The following EXOSC6 variants were observed in gnomAD, a reference collection of about 807,000 sequenced individuals.
EXOSC6 encodes the protein exosome component 6, also known as exosome complex component MTR3.
A neutral mutation model predicts 16.7 loss-of-function variants in EXOSC6; 21 were observed. The ratio of observed to expected loss-of-function variants is 1.26; its 90% CI spans 0.89 to 1.82. The LOEUF (loss-of-function observed/expected upper bound fraction) is 1.82, where lower values mean the gene tolerates loss of function less well. EXOSC6 is among the 40% of genes most tolerant of loss of function. The pLI, the probability that EXOSC6 is intolerant of heterozygous loss-of-function variation, is 0.00. For missense variants in EXOSC6, 538 were observed against 415.7 expected, an observed-to-expected ratio of 1.29 and a Z score of -2.56; for synonymous variants, 297 against 217.1, an observed-to-expected ratio of 1.37 and a Z score of -3.24.
rs1456592885 is a variant in EXOSC6 at position 70,251,928 on chromosome 16, C to T, written c.-28G>A. On this transcript the variant is annotated 5_prime_UTR_variant, in exon 1 of 1. Transcript: ENST00000435634. ...CGGTTCTTGGCGTGCGAACCCCTTC[C>T]GCCCAACGCCCTGCCGCATCCACTG... 1 of 1,463,100 alleles carries T rather than the reference C, an allele frequency of 6.8e-7. No individual in the cohort carries two copies. The highest frequency in any genetic ancestry group is 8.9e-7 in the Non-Finnish European group (1 of 1,117,920). 90.6% of individuals were successfully genotyped at this position (1,463,100 alleles called of 1,614,324 possible).
At position 70,248,715 on chromosome 16, in the gene EXOSC6, C is replaced by T. The variant is rs575223136; in HGVS notation, c.*2367G>A. The T allele has an allele frequency of 1.3e-5, 2 of 151,976 alleles. No individual in the cohort carries two copies. The highest frequency in any genetic ancestry group is 4.8e-5 in the African/African-American group (2 of 41,450). The allele number at this position is 151,976 out of a possible 1,614,324, so 9.4% of individuals were successfully genotyped here. ...GGCACAAGCGATCCTCCTGCCTCAG[C>T]CTTCAAGTAGCTGGGACTACAGGTG... is the stretch of plus-strand genomic sequence containing the variant. On this transcript the variant is annotated 3_prime_UTR_variant, in exon 1 of 1. Transcript: ENST00000435634.
In EXOSC6 at chr16:70,251,572, C is replaced by T; in HGVS notation, c.329G>A (p.Arg110His). 13 of 1,106,758 alleles carry T rather than the reference C, an allele frequency of 1.2e-5. No homozygotes were observed. The highest frequency in any genetic ancestry group is 1.4e-5 in the Non-Finnish European group (13 of 910,828). 68.6% of individuals were successfully genotyped at this position (1,106,758 alleles called of 1,614,324 possible). A position where few individuals can be genotyped will look rare whatever the true frequency, so the allele number is the denominator to read the frequency against. Residue 110 changes from arginine to histidine, a missense_variant, in exon 1 of 1, where the codon CGC becomes CAC. Physicochemically the swap from Arg to His is conservative, Grantham distance 29. Transcript: ENST00000435634. ...FRRAPFAGRR[R>H]RAPPGGCEER... ...CTCGCAGCCGCCCGGGGGAGCGCGG[C>T]GCCGGCGGCCCGCGAAGGGTGCGCG...
At position 70,251,088 on chromosome 16, in the gene EXOSC6, C is replaced by G; in HGVS notation, c.813G>C (p.Gln271His). The stretch of plus-strand genomic sequence containing the variant: ...AGTTGCTCAGGCTTCTGGTTCAGGG[C>G]TGGGCGGCGGCGCCCCTGCGGCGGG... Reference protein sequence around the residue: ...RAARRRGAAAQP With the variant: ...RAARRRGAAAHP The change falls in exon 1 of 1, where the codon CAG (glutamine) becomes CAC (histidine). Residue 271 changes from glutamine (Q) to histidine (H), a missense_variant. Gln to His is a conservative substitution (Grantham distance 24). Coordinates refer to ENST00000435634, the MANE Select transcript of EXOSC6 (RefSeq NM_058219.3). 6.8e-7 allele frequency: 1 copy of G among 1,478,746 alleles called. No homozygotes were observed. Among genetic ancestry groups the G allele is most frequent in the Non-Finnish European group, 8.9e-7 (1 of 1,128,520 alleles). 91.6% of individuals were successfully genotyped at this position (1,478,746 alleles called of 1,614,324 possible).
Position 70,248,053 on chromosome 16 carries a change from T to G in EXOSC6, c.*3029A>C, listed in dbSNP as rs1362985592. Reference sequence around the variant, plus strand: ...TTGGACAATAGAGCAAGATTTCGTCTCAAAAAAAAAGAGAAAAAGAAAACC... The same window carrying G: ...TTGGACAATAGAGCAAGATTTCGTCGCAAAAAAAAAGAGAAAAAGAAAACC... On this transcript the variant is annotated 3_prime_UTR_variant, in exon 1 of 1. Coordinates refer to ENST00000435634, the MANE Select transcript of EXOSC6 (RefSeq NM_058219.3). 1.3e-5 allele frequency: 2 copies of G among 151,394 alleles called. No individual in the cohort carries two copies. The highest frequency in any genetic ancestry group is 2.9e-5 in the Non-Finnish European group (2 of 67,946). 9.4% of individuals were successfully genotyped at this position (151,394 alleles called of 1,614,324 possible).
Position 70,248,148 on chromosome 16 carries a change from G to C in EXOSC6, c.*2934C>G, listed in dbSNP as rs2152147364. On this transcript the variant is annotated 3_prime_UTR_variant, in exon 1 of 1. Coordinates refer to ENST00000435634, the MANE Select transcript of EXOSC6 (RefSeq NM_058219.3). Reference sequence around the variant, plus strand: ...TATCAATGCTAAAAATCATTTAAAAGACATCTTAGGGGTAATTACAGAAAT... The same window carrying C: ...TATCAATGCTAAAAATCATTTAAAACACATCTTAGGGGTAATTACAGAAAT... The C allele has an allele frequency of 6.6e-6, 1 of 152,230 alleles. No individual in the cohort carries two copies. Among genetic ancestry groups the C allele is most frequent in the South Asian group, 2.1e-4 (1 of 4,830 alleles). 9.4% of individuals were successfully genotyped at this position (152,230 alleles called of 1,614,324 possible).
chr16:70,251,193 GCTCT>G lies in EXOSC6; in HGVS notation c.704_707del (p.Glu235AlafsTer42). On this transcript the variant is annotated frameshift_variant, in exon 1 of 1. Transcript: ENST00000435634. LOFTEE classifies it high-confidence loss of function. ...GGCCCAGGCGTACGGCCTCCGCCCAGCTCTCTGTCAGGCCGCCCTCGCCGCTGCC... is the reference window on the plus strand; with the variant it reads ...GGCCCAGGCGTACGGCCTCCGCCCAGCTGTCAGGCCGCCCTCGCCGCTGCC... 5 of 1,517,186 alleles carry G rather than the reference GCTCT, an allele frequency of 3.3e-6. No individual in the cohort carries two copies. Among genetic ancestry groups the G allele is most frequent in the Non-Finnish European group, 3.5e-6 (4 of 1,140,548 alleles). 94.0% of individuals were successfully genotyped at this position (1,517,186 alleles called of 1,614,324 possible). A position where few individuals can be genotyped will look rare whatever the true frequency, so the allele number is the denominator to read the frequency against.
Position 70,248,465 on chromosome 16 carries a change from T to C in EXOSC6, c.*2617A>G, listed in dbSNP as rs1402391489. On this transcript the variant is annotated 3_prime_UTR_variant, in exon 1 of 1. Coordinates refer to ENST00000435634, the MANE Select transcript of EXOSC6 (RefSeq NM_058219.3). The stretch of plus-strand genomic sequence containing the variant: ...CTATCTTTCTATGAATGTGAGAATT[T>C]TCACAAGAGCTGGGAAAATGTTCAT... 1 of 152,156 alleles carries C rather than the reference T, an allele frequency of 6.6e-6. No homozygotes were observed. The highest frequency in any genetic ancestry group is 1.5e-5 in the Non-Finnish European group (1 of 68,036). The allele number at this position is 152,156 out of a possible 1,614,324, so 9.4% of individuals were successfully genotyped here.
Position 70,251,364 on chromosome 16 carries a change from C to G in EXOSC6, c.537G>C (p.Leu179=), listed in dbSNP as rs1158975318. Residue 179 remains leucine (L), a synonymous_variant, in exon 1 of 1, where the codon CTG becomes CTC. Transcript: ENST00000435634. ...CGAGGCTGAGGCCGCAGCCCACCAC[C>G]AGGTCGTACATCTCCACGCCCGCGT... The part of the protein sequence containing the change: ...LADAGVEMYD[L]VVGCGLSLAP... 13 of 1,382,148 alleles carry G rather than the reference C, an allele frequency of 9.4e-6. No individual in the cohort carries two copies. The highest frequency in any genetic ancestry group is 1.2e-5 in the Non-Finnish European group (13 of 1,073,732). The allele number at this position is 1,382,148 out of a possible 1,614,324, so 85.6% of individuals were successfully genotyped here.
At position 70,250,500 on chromosome 16, in the gene EXOSC6, C is replaced by T. The variant is rs1437367385; in HGVS notation, c.*582G>A. 1 of 151,166 alleles carries T rather than the reference C, an allele frequency of 6.6e-6. No homozygotes were observed. 9.4% of individuals were successfully genotyped at this position (151,166 alleles called of 1,614,324 possible). On this transcript the variant is annotated 3_prime_UTR_variant, in exon 1 of 1. Transcript: ENST00000435634. Reference sequence around the variant, plus strand: ...CCTGGCCCACATGGCGAAACCCCATCTCTACTAAAAATACAAAAATTAGCC... The same window carrying T: ...CCTGGCCCACATGGCGAAACCCCATTTCTACTAAAAATACAAAAATTAGCC...
rs1959777396 is a variant in EXOSC6, at chr16:70,250,297, C to T, written c.*785G>A. On this transcript the variant is annotated 3_prime_UTR_variant, in exon 1 of 1. Transcript: ENST00000435634. ...CAGCATTATCCAGGGCCGCAGAAAA[C>T]ACACATAATACTTTATTCCTGATAA... 6.6e-6 allele frequency: 1 copy of T among 152,146 alleles called. No homozygotes were observed. Among genetic ancestry groups the T allele is most frequent in the South Asian group, 2.1e-4 (1 of 4,834 alleles). 9.4% of individuals were successfully genotyped at this position (152,146 alleles called of 1,614,324 possible). A position where few individuals can be genotyped will look rare whatever the true frequency, so the allele number is the denominator to read the frequency against.
Position 70,247,023 on chromosome 16 carries a change from G to T in EXOSC6, c.*4059C>A, listed in dbSNP as rs1244915841. On this transcript the variant is annotated 3_prime_UTR_variant, in exon 1 of 1. Transcript: ENST00000435634. ...AGTGTGGAGAAAACAAGCAAATTAG[G>T]TTATTTACTAAGTGACTACATAAAA... 8 of 463,898 alleles carry T rather than the reference G, an allele frequency of 1.7e-5. No individual in the cohort carries two copies. Among genetic ancestry groups the T allele is most frequent in the South Asian group, 1.1e-4 (7 of 60,988 alleles). The allele number at this position is 463,898 out of a possible 1,614,324, so 28.7% of individuals were successfully genotyped here. A position where few individuals can be genotyped will look rare whatever the true frequency, so the allele number is the denominator to read the frequency against.
rs1256042032 is a variant in EXOSC6 at position 70,251,278 on chromosome 16, G to A, written c.623C>T (p.Ala208Val). 6.2e-6 allele frequency: 9 copies of A among 1,443,480 alleles called. No homozygotes were observed. The highest frequency in any genetic ancestry group is 3.0e-5 in the African/African-American group (2 of 67,332). 89.4% of individuals were successfully genotyped at this position (1,443,480 alleles called of 1,614,324 possible). ...CATGAGCGCCACGGTGAGGCCGGCGGCGGCGCGCTCTTCCTCGAGCCGCGT... is the reference window on the plus strand; with the variant it reads ...CATGAGCGCCACGGTGAGGCCGGCGACGGCGCGCTCTTCCTCGAGCCGCGT... The part of the protein sequence containing the change: ...DPTRLEEERA[A>V]AGLTVALMPV... Residue 208 changes from alanine (A) to valine (V), a missense_variant, in exon 1 of 1, where the codon GCC (alanine) becomes GTC (valine). Physicochemically the swap from Ala to Val is moderately conservative, Grantham distance 64. Coordinates refer to ENST00000435634, the MANE Select transcript of EXOSC6 (RefSeq NM_058219.3).
In EXOSC6 at chr16:70,251,320, G is replaced by A. The variant is rs1414161108; in HGVS notation, c.581C>T (p.Thr194Ile). 3 of 1,387,032 alleles carry A rather than the reference G, an allele frequency of 2.2e-6. No homozygotes were observed. Among genetic ancestry groups the A allele is most frequent in the African/African-American group, 3.0e-5 (2 of 65,964 alleles). 85.9% of individuals were successfully genotyped at this position (1,387,032 alleles called of 1,614,324 possible). ...GLSLAPGPAP[T>I]WLLDPTRLEE... Reference sequence around the variant, plus strand: ...GAGCCGCGTGGGGTCCAGGAGCCAGGTGGGCGCGGGCCCCGGCGCGAGGCT... The same window carrying A: ...GAGCCGCGTGGGGTCCAGGAGCCAGATGGGCGCGGGCCCCGGCGCGAGGCT... Residue 194 changes from threonine (T) to isoleucine (I), a missense_variant, in exon 1 of 1, where the codon ACC becomes ATC. Physicochemically the swap from Thr to Ile is moderately conservative, Grantham distance 89 (BLOSUM62 -1). Transcript: ENST00000435634.
rs1044765188 is a variant in EXOSC6, at chr16:70,247,823, G to C, written c.*3259C>G. 1.3e-5 allele frequency: 2 copies of C among 152,240 alleles called. No homozygotes were observed. The highest frequency in any genetic ancestry group is 2.9e-5 in the Non-Finnish European group (2 of 68,066). The allele number at this position is 152,240 out of a possible 1,614,324, so 9.4% of individuals were successfully genotyped here. A position where few individuals can be genotyped will look rare whatever the true frequency, so the allele number is the denominator to read the frequency against. On this transcript the variant is annotated 3_prime_UTR_variant, in exon 1 of 1. Coordinates refer to ENST00000435634, the MANE Select transcript of EXOSC6 (RefSeq NM_058219.3). ...TAACCCCAGCACTTTGGGAGGACGA[G>C]GCAGGTGGATCACTTGAGGTCAGGA...
In EXOSC6 at chr16:70,251,399, C is replaced by T. The variant is rs1262826993; in HGVS notation, c.502G>A (p.Ala168Thr). 1 of 1,343,832 alleles carries T rather than the reference C, an allele frequency of 7.4e-7. No homozygotes were observed. Among genetic ancestry groups the T allele is most frequent in the Admixed American group, 3.8e-5 (1 of 26,440 alleles). The allele number at this position is 1,343,832 out of a possible 1,614,324, so 83.2% of individuals were successfully genotyped here. A position where few individuals can be genotyped will look rare whatever the true frequency, so the allele number is the denominator to read the frequency against. The change falls in exon 1 of 1, where the codon GCC becomes ACC. Residue 168 changes from alanine (A) to threonine (T), a missense_variant. Transcript: ENST00000435634. ...LAAALTAAAL[A>T]LADAGVEMYD... The stretch of plus-strand genomic sequence containing the variant: ...ATCTCCACGCCCGCGTCGGCCAGGG[C>T]GAGCGCGGCGGCGGTGAGCGCGGCG...
At position 70,251,752 on chromosome 16, in the gene EXOSC6, T is replaced by C. The variant is rs1959828827; in HGVS notation, c.149A>G (p.Lys50Arg). 6.3e-6 allele frequency: 9 copies of C among 1,424,144 alleles called. No homozygotes were observed. In the South Asian group the frequency reaches 1.2e-4, roughly 19 times the overall value. 88.2% of individuals were successfully genotyped at this position (1,424,144 alleles called of 1,614,324 possible). Residue 50 changes from lysine to arginine, a missense_variant, in exon 1 of 1, where the codon AAG (lysine) becomes AGG (arginine). Coordinates refer to ENST00000435634, the MANE Select transcript of EXOSC6 (RefSeq NM_058219.3). ...YARAGLLSQAKGSAYLEAGGT... is the reference protein window; with the variant it reads ...YARAGLLSQARGSAYLEAGGT... ...TCCCGCCTCCAGGTAGGCCGAGCCCTTGGCCTGGCTCAGCAGCCCGGCGCG... is the reference window on the plus strand; with the variant it reads ...TCCCGCCTCCAGGTAGGCCGAGCCCCTGGCCTGGCTCAGCAGCCCGGCGCG...
chr16:70,251,162 C>T lies in EXOSC6; in HGVS notation c.739G>A (p.Gly247Ser), dbSNP rs1411753541. The change falls in exon 1 of 1, where the codon GGC becomes AGC. Residue 247 changes from glycine (G) to serine (S), a missense_variant. Gly to Ser is a moderately conservative substitution (Grantham distance 56, BLOSUM62 0). Transcript: ENST00000435634. ...WAEAVRLGLE[G>S]CQRLYPVLQQ... is the part of the protein sequence containing the mutation. ...AGCACGGGGTAGAGGCGCTGGCAGC[C>T]CTCGAGGCCCAGGCGTACGGCCTCC... 1 of 1,530,612 alleles carries T rather than the reference C, an allele frequency of 6.5e-7. No homozygotes were observed. The highest frequency in any genetic ancestry group is 1.4e-5 in the African/African-American group (1 of 70,124). 94.8% of individuals were successfully genotyped at this position (1,530,612 alleles called of 1,614,324 possible).
rs2152147687 is a variant in EXOSC6 at position 70,249,550 on chromosome 16, G to GT, written c.*1531dup. 1 of 152,284 alleles carries GT rather than the reference G, an allele frequency of 6.6e-6. No homozygotes were observed. Among genetic ancestry groups the GT allele is most frequent in the Admixed American group, 6.5e-5 (1 of 15,298 alleles). 9.4% of individuals were successfully genotyped at this position (152,284 alleles called of 1,614,324 possible). On this transcript the variant is annotated 3_prime_UTR_variant, in exon 1 of 1. Coordinates refer to ENST00000435634, the MANE Select transcript of EXOSC6 (RefSeq NM_058219.3). ...AAACCAAAAGGCTCAGAAAGACGTC[G>GT]TGATATTTAGTTCTTGTCTCCCTCT...
In EXOSC6 at chr16:70,246,973, G is replaced by A. The variant is rs906869968; in HGVS notation, c.*4109C>T. ...CCCCTCACCCCATGATCTGAAAAGC[G>A]AAATGAGGAATTCACCCTAAAATTA... is the stretch of plus-strand genomic sequence containing the variant. On this transcript the variant is annotated 3_prime_UTR_variant, in exon 1 of 1. Transcript: ENST00000435634. The A allele has an allele frequency of 2.5e-5, 13 of 525,062 alleles. No individual in the cohort carries two copies. The highest frequency in any genetic ancestry group is 1.8e-4 in the African/African-American group (9 of 51,416). The allele number at this position is 525,062 out of a possible 1,614,324, so 32.5% of individuals were successfully genotyped here. A position where few individuals can be genotyped will look rare whatever the true frequency, so the allele number is the denominator to read the frequency against.
Sources: gnomAD v4.1 joint callset for allele counts on GRCh38, gnomAD v4.1.1 for gene constraint, MANE v1.5 for transcripts, NCBI Gene and HGNC (gene_info 2026-07-23, HGNC 2026-07-21) for gene names.